MAP3K13: variants seen among roughly 807,000 people sequenced by gnomAD.
The protein encoded by MAP3K13 is leucine zipper-bearing kinase.
A neutral mutation model predicts 104.0 loss-of-function variants in MAP3K13; 52 were observed. That is an observed-to-expected ratio of 0.50 (90% CI 0.40 to 0.63). MAP3K13 has a LOEUF of 0.63. MAP3K13 is among the 20% of genes least tolerant of loss of function. MAP3K13 has a pLI of 0.00. For synonymous variants in MAP3K13, 394 were observed against 442.2 expected, an observed-to-expected ratio of 0.89 and a Z score of 1.37; for missense variants, 914 against 1,218.5, an observed-to-expected ratio of 0.75 and a Z score of 3.72.
chr3:185,454,631 A>G lies in MAP3K13; in HGVS notation c.1278+3236A>G, dbSNP rs1218128672. On this transcript the variant is annotated intron_variant, in intron 7 of 13. Coordinates refer to ENST00000265026, the MANE Select transcript of MAP3K13 (RefSeq NM_004721.5). ...TATATATGATATATATATGAGATAT[A>G]TATATGAGATATATATATGATATAT... is the stretch of plus-strand genomic sequence containing the variant. Among the ~76,000 whole-genome samples, 11 of 24,632 alleles carry G rather than the reference A, an allele frequency of 4.5e-4. 1 individual carries two copies. The highest frequency in any genetic ancestry group is 9.0e-4 in the African/African-American group (11 of 12,270). 16.2% of individuals were successfully genotyped at this position (24,632 alleles called of 152,430 possible). A position where few individuals can be genotyped will look rare whatever the true frequency, so the allele number is the denominator to read the frequency against.
rs531616439 is a variant in MAP3K13, at chr3:185,307,688, C to T, written c.-86+22045C>T. 3.7e-3 allele frequency among the ~76,000 whole-genome samples: 564 copies of T among 151,604 alleles called. 2 individuals carry two copies. The highest frequency in any genetic ancestry group is 0.013 in the African/African-American group (518 of 41,288). ...CTGCCCAAGTAGCTGGGATTACAGG[C>T]GCATGCCACCACACCCAGCTAATTT... On this transcript the variant is annotated intron_variant, in intron 2 of 14. Coordinates refer to the MAP3K13 transcript ENST00000424227.
chr3:185,313,489 T>C (rs1721568476), intron 2 of MAP3K13, among the ~76,000 whole-genome samples: 1 of 151,958 alleles, frequency 6.6e-6, no homozygotes, highest in Non-Finnish European at 1.5e-5. Context: ...CAGGATGGTC[T>C]CGATGTCTTC....
intron 1 of MAP3K13, among the ~76,000 whole-genome samples, chr3:185,413,207 T>A (rs914365658): frequency 6.6e-6 from 1 of 152,356 alleles, no homozygotes; most frequent in Non-Finnish European, 1.5e-5. Context: ...AAGAAGGTAG[T>A]GGAGTACTGT....
chr3:185,452,474 C>T (rs181887290), intron 7 of MAP3K13, among the ~76,000 whole-genome samples: 321 of 152,224 alleles, frequency 2.1e-3, no homozygotes, highest in African/African-American at 7.2e-3. Context: ...TGGGCTCAAG[C>T]GATCTCCCTG....
intron 4 of MAP3K13, among the ~76,000 whole-genome samples, chr3:185,445,115 A>G (rs777159808): frequency 6.6e-6 from 1 of 152,192 alleles, no homozygotes; most frequent in Non-Finnish European, 1.5e-5. Context: ...ATCCTGGCAA[A>G]AACTGTGTGG....
Position 185,450,177 on chromosome 3 carries a change from T to C in MAP3K13, c.1169+119T>C. 1.2e-6 allele frequency: 1 copy of C among 850,724 alleles called. No homozygotes were observed. Among genetic ancestry groups the C allele is most frequent in the South Asian group, 2.6e-5 (1 of 37,796 alleles). The allele number at this position is 850,724 out of a possible 1,614,324, so 52.7% of individuals were successfully genotyped here. On this transcript the variant is annotated intron_variant, in intron 6 of 13. Coordinates refer to ENST00000265026, the MANE Select transcript of MAP3K13 (RefSeq NM_004721.5). This position sits in a 1 kb window ranked among gnomAD's most constrained non-coding sequence, Gnocchi z 4.2. ...GAGAATCTTGGGTTCAAATACTAGC[T>C]CTGCCCCTTTCTATCTGTGCAATTT...
chr3:185,344,427 C>A (rs951476224), intron 2 of MAP3K13, among the ~76,000 whole-genome samples: 6 of 152,108 alleles, frequency 3.9e-5, no homozygotes, highest in African/African-American at 1.4e-4. Flanking sequence ...TTATCTTACC[C>A]CTCTCCTTAC....
intron 7 of MAP3K13, among the ~76,000 whole-genome samples, chr3:185,459,199 A>G (rs577651674): frequency 2.8e-4 from 43 of 152,176 alleles, no homozygotes; most frequent in Non-Finnish European, 5.9e-5. Flanking sequence ...CTTGTGAGGG[A>G]GCAGATACGT....
Position 185,380,452 on chromosome 3 carries a change from A to C in MAP3K13, c.-86+17084A>C, listed in dbSNP as rs1366656473. 2.0e-5 allele frequency among the ~76,000 whole-genome samples: 3 copies of C among 147,594 alleles called. No homozygotes were observed. In the East Asian group the frequency reaches 6.1e-4, roughly 30 times the overall value. ...CTTGAACCCGGGAGGCAGAGGTTGC[A>C]GTGAGCCGAGATCACGTCACCGCAC... On this transcript the variant is annotated intron_variant, in intron 1 of 13. Coordinates refer to ENST00000265026, the MANE Select transcript of MAP3K13 (RefSeq NM_004721.5).
chr3:185,417,041 T>A lies in MAP3K13; in HGVS notation c.-85-11456T>A, dbSNP rs552785407. ...TCCTAAACTATGTATCTTAGGAGAG[T>A]CCTAGAGTTCCAAAAAAGAGAGGAA... is the stretch of plus-strand genomic sequence containing the variant. On this transcript the variant is annotated intron_variant, in intron 1 of 13. Transcript: ENST00000265026. Among the ~76,000 whole-genome samples the A allele has an allele frequency of 2.6e-5, 4 of 151,984 alleles. No individual in the cohort carries two copies. In the South Asian group the frequency reaches 6.3e-4, roughly 24 times the overall value.
chr3:185,373,602 A>G (rs1577477177), intron 1 of MAP3K13, among the ~76,000 whole-genome samples: 1 of 152,338 alleles, frequency 6.6e-6, no homozygotes, highest in East Asian at 1.9e-4. Context: ...AGATCATGCC[A>G]CTGCACTCCA....
intron 1 of MAP3K13, among the ~76,000 whole-genome samples, chr3:185,410,233 G>A (rs1288913518): frequency 6.6e-6 from 1 of 152,156 alleles, no homozygotes; most frequent in Non-Finnish European, 1.5e-5. Flanking sequence ...ATTATGTTAA[G>A]TGAAACAAGC....
chr3:185,422,810 G>C (rs1714208896), intron 1 of MAP3K13, among the ~76,000 whole-genome samples: 1 of 152,222 alleles, frequency 6.6e-6, no homozygotes, highest in Non-Finnish European at 1.5e-5. Flanking sequence ...GTACCAGTCT[G>C]TGGCCTGTTA....
chr3:185,437,773 A>T, intron 3 of MAP3K13, 143 bp downstream of exon 3: 1 of 781,766 alleles, frequency 1.3e-6, no homozygotes, highest in Non-Finnish European at 1.9e-6. Flanking sequence ...GGTATCAAGG[A>T]ACTATTAAAT....
intron 2 of MAP3K13, among the ~76,000 whole-genome samples, chr3:185,322,247 C>A (rs1037671542): frequency 1.1e-4 from 17 of 152,214 alleles, no homozygotes; most frequent in African/African-American, 4.1e-4. Context: ...GAAGGGCTTT[C>A]TTCTAGGAAA....
intron 1 of MAP3K13, among the ~76,000 whole-genome samples, chr3:185,422,993 G>A (rs1305796914): frequency 1.3e-5 from 2 of 152,176 alleles, no homozygotes; most frequent in African/African-American, 4.8e-5. Flanking sequence ...AACTGTGCAT[G>A]CGAGGGATCT....
intron 2 of MAP3K13, among the ~76,000 whole-genome samples, chr3:185,433,080 T>A (rs193302192): frequency 4.3e-4 from 66 of 152,372 alleles, no homozygotes; most frequent in African/African-American, 1.5e-3. Flanking sequence ...TTTTAAAAAA[T>A]TTTAATGATG....
chr3:185,414,489 A>G (rs1380552584), intron 1 of MAP3K13, among the ~76,000 whole-genome samples: 2 of 152,210 alleles, frequency 1.3e-5, no homozygotes, highest in Non-Finnish European at 2.9e-5. Flanking sequence ...TGGCCCAGTC[A>G]CTGCTCCCTC....
chr3:185,458,351 G>A (rs1716886850), intron 7 of MAP3K13, among the ~76,000 whole-genome samples: 1 of 124,512 alleles, frequency 8.0e-6, no homozygotes, highest in African/African-American at 3.1e-5. Context: ...CTGGGCAATA[G>A]AGCGAGACCC....
Sources: allele counts gnomAD v4.1 joint callset (sites outside exome capture counted in the v4.1 genomes callset), GRCh38; gene constraint gnomAD v4.1.1; non-coding constraint Gnocchi (gnomAD v3.1); transcripts MANE v1.5; gene names NCBI Gene and HGNC (gene_info 2026-07-23, HGNC 2026-07-21).